TTBK2: variants seen among roughly 807,000 people sequenced by gnomAD.
TTBK2 encodes tau-tubulin kinase 2.
A neutral mutation model predicts 110.8 loss-of-function variants in TTBK2; 28 were observed. The ratio of observed to expected loss-of-function variants is 0.25; its 90% CI spans 0.19 to 0.35. TTBK2 has a LOEUF of 0.35. Among genes scored for constraint, TTBK2 ranks in the 10% least tolerant of loss-of-function variants. TTBK2 has a pLI of 1.00. For synonymous variants in TTBK2, 532 were observed against 527.3 expected (o/e 1.01, Z -0.12); for missense variants, 1,369 against 1,500.3 (o/e 0.91, Z 1.45).
intron 9 of TTBK2, among the ~76,000 whole-genome samples, chr15:42,804,008 CAAAAAAAAAAA>C (rs781131720): frequency 0.017 from 850 of 51,070 alleles, 7 homozygotes; most frequent in Non-Finnish European, 0.029. Flanking sequence ...GCGAGGAGTG[CAAAAAAAAAAA>C]AAAAAAAAAA....
At chr15:42,919,947 T>A in intron 1 of TTBK2, 1 of 342,844 alleles carries the variant, frequency 2.9e-6, no homozygotes, top group Non-Finnish European at 4.1e-6. Context: ...CTCAGATCAT[T>A]ACTTCAGCAC....
At chr15:42,814,617 G>A (rs1318512321) in intron 7 of TTBK2, among the ~76,000 whole-genome samples, 1 of 152,062 alleles carries the variant, frequency 6.6e-6, no homozygotes, top group African/African-American at 2.4e-5. Context: ...GAGAAATAGA[G>A]TGTATTATTT....
intron 3 of TTBK2, among the ~76,000 whole-genome samples, chr15:42,845,404 G>A (rs940642683): frequency 3.3e-5 from 5 of 151,840 alleles, no homozygotes; most frequent in African/African-American, 9.7e-5. Context: ...AGTAGCTCAC[G>A]CCTGTAATCC....
At chr15:42,870,614 G>C (rs1894577135) in intron 3 of TTBK2, among the ~76,000 whole-genome samples, 1 of 151,842 alleles carries the variant, frequency 6.6e-6, no homozygotes, top group South Asian at 2.1e-4. Context: ...TGTAATCCCA[G>C]TACTTTGGGA....
chr15:42,789,677 T>C (rs1011419112), intron 10 of TTBK2, among the ~76,000 whole-genome samples: 1 of 152,038 alleles, frequency 6.6e-6, no homozygotes, highest in Non-Finnish European at 1.5e-5. Context: ...GAGGTTGCAG[T>C]GAGCAGAGAT....
At chr15:42,797,590 G>A (rs533794103) in intron 9 of TTBK2, among the ~76,000 whole-genome samples, 1 of 152,298 alleles carries the variant, frequency 6.6e-6, no homozygotes, top group African/African-American at 2.4e-5. Flanking sequence ...GCAGGGTGGC[G>A]CTAAATCCTA....
chr15:42,874,138 T>C (rs1411739822), intron 2 of TTBK2, among the ~76,000 whole-genome samples: 1 of 152,126 alleles, frequency 6.6e-6, no homozygotes, highest in Non-Finnish European at 1.5e-5. Flanking sequence ...TAACTTTCCA[T>C]TGTCAATGTC....
chr15:42,751,556 G>A (rs756420914), intron 14 of TTBK2, among the ~76,000 whole-genome samples: 11 of 152,156 alleles, frequency 7.2e-5, no homozygotes, highest in Non-Finnish European at 1.5e-4. Context: ...GCCCAACATA[G>A]CGAAACCCTG....
intron 13 of TTBK2, among the ~76,000 whole-genome samples, chr15:42,773,293 C>T (rs1412649149): frequency 2.0e-5 from 3 of 151,904 alleles, no homozygotes; most frequent in African/African-American, 4.8e-5. Flanking sequence ...AAAAATTAGC[C>T]GGGCTTGGTG....
At chr15:42,880,079 G>A (rs1482289244) in intron 1 of TTBK2, among the ~76,000 whole-genome samples, 3 of 151,690 alleles carry the variant, frequency 2.0e-5, no homozygotes, top group African/African-American at 4.8e-5. Context: ...AATGCATCTC[G>A]TGGTATAGTT....
At chr15:42,867,798 C>T (rs919129720) in intron 3 of TTBK2, among the ~76,000 whole-genome samples, 1 of 152,196 alleles carries the variant, frequency 6.6e-6, no homozygotes, top group Non-Finnish European at 1.5e-5. Context: ...ACTAAACATA[C>T]TCTTATTATC....
At chr15:42,815,120 C>A (rs1433355480) in intron 7 of TTBK2, among the ~76,000 whole-genome samples, 1 of 151,632 alleles carries the variant, frequency 6.6e-6, no homozygotes, top group East Asian at 1.9e-4. Context: ...AACTGGAAAA[C>A]CTAGTATTTC....
chr15:42,762,375 G>T (rs933427485), intron 13 of TTBK2, among the ~76,000 whole-genome samples: 1 of 152,280 alleles, frequency 6.6e-6, no homozygotes, highest in Non-Finnish European at 1.5e-5. Context: ...CAATAGCCAA[G>T]ATATGGAATC....
intron 3 of TTBK2, among the ~76,000 whole-genome samples, chr15:42,845,210 G>T (rs147413849): frequency 1.3e-5 from 2 of 152,128 alleles, no homozygotes; most frequent in Non-Finnish European, 2.9e-5. Flanking sequence ...GACTTGATAC[G>T]AGTTAAGGTG....
chr15:42,782,185 C>T (rs1376824903), intron 11 of TTBK2, among the ~76,000 whole-genome samples: 1 of 152,166 alleles, frequency 6.6e-6, no homozygotes, highest in African/African-American at 2.4e-5. Flanking sequence ...GATTCTCCTG[C>T]CTCAGCTTCC....
Position 42,746,134 on chromosome 15 carries a change from T to C in TTBK2, c.3396A>G (p.Gly1132=). 6.2e-7 allele frequency: 1 copy of C among 1,614,052 alleles called. No individual in the cohort carries two copies. Among genetic ancestry groups the C allele is most frequent in the Admixed American group, 1.7e-5 (1 of 60,002 alleles). Residue 1132 remains glycine, a synonymous_variant, in exon 15 of 15, where the codon GGA becomes GGG. Transcript: ENST00000267890. ...GTGGTGTTTTTGGATTGTGAGGAGATCCTGGACTCTTGCACTGAGTAGTGC... is the reference window on the plus strand; with the variant it reads ...GTGGTGTTTTTGGATTGTGAGGAGACCCTGGACTCTTGCACTGAGTAGTGC... The part of the protein sequence containing the change: ...PRSTTQCKSP[G]SPHNPKTPPK...
rs538965244 is a variant in TTBK2 at position 42,867,116 on chromosome 15, C to T, written c.217+5495G>A. Among the ~76,000 whole-genome samples the T allele has an allele frequency of 3.3e-5, 5 of 151,740 alleles. 1 individual carries two copies. Among genetic ancestry groups the T allele is most frequent in the African/African-American group, 1.2e-4 (5 of 41,418 alleles). On this transcript the variant is annotated intron_variant, in intron 3 of 14. Coordinates refer to ENST00000267890, the MANE Select transcript of TTBK2 (RefSeq NM_173500.4). The stretch of plus-strand genomic sequence containing the variant: ...AAAATTAGCCGGGCATGGTGGCAGG[C>T]GCCTGTAGTCCCAGCTACTAGGGAG...
At position 42,917,466 on chromosome 15, in the gene TTBK2, T is replaced by TA. The variant is rs1274140441; in HGVS notation, c.-68+2971dup. On this transcript the variant is annotated intron_variant, in intron 1 of 14. Transcript: ENST00000267890. ...CCTATAATCAAGGATCACCAGACTT[T>TA]AATGAGGCAGTTTTGAGTAGTAATA... Among the ~76,000 whole-genome samples the TA allele has an allele frequency of 3.9e-5, 6 of 152,182 alleles. No homozygotes were observed. The East Asian group carries it at 1.2e-3, about 29-fold the overall frequency.
intron 3 of TTBK2, among the ~76,000 whole-genome samples, chr15:42,866,455 G>A (rs1175024883): frequency 1.3e-5 from 2 of 152,042 alleles, no homozygotes; most frequent in Non-Finnish European, 2.9e-5. Context: ...AAAGATGAAT[G>A]CACTATTATA....
Sources: allele counts gnomAD v4.1 joint callset (sites outside exome capture counted in the v4.1 genomes callset), GRCh38; gene constraint gnomAD v4.1.1; transcripts MANE v1.5; gene names NCBI Gene and HGNC (gene_info 2026-07-23, HGNC 2026-07-21).